Variants in SMG7 observed in about 807,000 individuals in gnomAD.
SMG7 encodes SMG7 nonsense mediated mRNA decay factor, also known as nonsense-mediated mRNA decay factor SMG7.
In SMG7, 34 loss-of-function variants were observed where a neutral mutation model predicts 148.2. That is an observed-to-expected ratio of 0.23 (90% CI 0.17 to 0.31). SMG7 has a LOEUF of 0.31. Ranked by LOEUF, SMG7 falls within the 10% of genes least tolerant of loss-of-function variation. SMG7 has a pLI of 1.00. For missense variants in SMG7, 1,114 were observed against 1,408.4 expected, an observed-to-expected ratio of 0.79 and a Z score of 3.35; for synonymous variants, 492 against 515.1, an observed-to-expected ratio of 0.96 and a Z score of 0.61.
intron 8 of SMG7, among the ~76,000 whole-genome samples, chr1:183,531,517 T>A (rs990614981): frequency 6.6e-6 from 1 of 152,196 alleles, no homozygotes; most frequent in African/African-American, 2.4e-5. Context: ...GATAGGTTGT[T>A]CATTCACTAA....
At chr1:183,503,557 A>G (rs1333082997) in intron 1 of SMG7, among the ~76,000 whole-genome samples, 1 of 152,166 alleles carries the variant, frequency 6.6e-6, no homozygotes, top group African/African-American at 2.4e-5. Flanking sequence ...GTGGTAGAGG[A>G]CATAGGGTTT....
At chr1:183,501,824 A>T (rs1659795925) in intron 1 of SMG7, among the ~76,000 whole-genome samples, 1 of 152,228 alleles carries the variant, frequency 6.6e-6, no homozygotes, top group Admixed American at 6.5e-5. Flanking sequence ...TCTTAGCATT[A>T]TTCATACTAC....
At chr1:183,500,720 T>A (rs2102309332) in intron 1 of SMG7, among the ~76,000 whole-genome samples, 1 of 152,202 alleles carries the variant, frequency 6.6e-6, no homozygotes, top group African/African-American at 2.4e-5. Context: ...AAGAATGGGT[T>A]AACCAAACAA....
At chr1:183,543,705 T>C (rs789176) in intron 14 of SMG7, among the ~76,000 whole-genome samples, 138,005 of 152,276 alleles carry the variant, frequency 0.91, 62,705 homozygotes, top group East Asian at 1. Context: ...TACCTCGTCC[T>C]GGGTTTTCTA....
At chr1:183,487,192 T>C (rs1488236926) in intron 1 of SMG7, among the ~76,000 whole-genome samples, 2 of 152,146 alleles carry the variant, frequency 1.3e-5, no homozygotes, top group Non-Finnish European at 2.9e-5. Flanking sequence ...CCATTCCTTC[T>C]AGAGTGTCTA....
chr1:183,553,008 C>T lies in SMG7; in HGVS notation c.*1077C>T. 5 of 1,536,256 alleles carry T rather than the reference C, an allele frequency of 3.3e-6. No homozygotes were observed. The South Asian group carries it at 3.6e-5, about 11-fold the overall frequency. Reference sequence around the variant, plus strand: ...CAGCATGGGGTCCAGCAGTTGGGGCCCAAAAGACAGTCTGAAGAGGAAGGA... The same window carrying T: ...CAGCATGGGGTCCAGCAGTTGGGGCTCAAAAGACAGTCTGAAGAGGAAGGA... On this transcript the variant is annotated 3_prime_UTR_variant, in exon 23 of 23. Transcript: ENST00000688051.
intron 1 of SMG7, among the ~76,000 whole-genome samples, chr1:183,506,258 A>T (rs1660863643): frequency 6.6e-6 from 1 of 152,176 alleles, no homozygotes; most frequent in Admixed American, 6.5e-5. Context: ...GGTATAGAGT[A>T]TTGTAGTGTT....
rs1321823371 is a variant in SMG7, at chr1:183,552,437, C to G, written c.*506C>G. ...TAGTAAAATATCACACTGAATTCTT[C>G]CATACACAGGTGTGCTTCTAGTCAG... On this transcript the variant is annotated 3_prime_UTR_variant, in exon 23 of 23. Transcript: ENST00000688051. The G allele has an allele frequency of 2.0e-6, 2 of 991,594 alleles. No homozygotes were observed. Among genetic ancestry groups the G allele is most frequent in the African/African-American group, 3.5e-5 (2 of 57,336 alleles). 61.4% of individuals were successfully genotyped at this position (991,594 alleles called of 1,614,324 possible).
intron 1 of SMG7, among the ~76,000 whole-genome samples, chr1:183,482,396 T>C (rs1022608563): frequency 6.6e-6 from 1 of 152,064 alleles, no homozygotes; most frequent in Non-Finnish European, 1.5e-5. Flanking sequence ...ATGTAAAGAT[T>C]TAGATTTCCT....
intron 1 of SMG7, among the ~76,000 whole-genome samples, chr1:183,487,032 G>A (rs149843842): frequency 1.4e-4 from 21 of 152,236 alleles, no homozygotes; most frequent in Middle Eastern, 3.4e-3. Flanking sequence ...TCACTTAAGC[G>A]GTGAAAGGGC....
chr1:183,533,546 C>T (rs932410832), intron 9 of SMG7, 130 bp from the exon 10 acceptor site: 2 of 901,716 alleles, frequency 2.2e-6, no homozygotes, highest in African/African-American at 1.7e-5. Flanking sequence ...GGAAAGAAAG[C>T]GTCTTTTTAG....
chr1:183,529,162 T>C (rs1011725647), intron 7 of SMG7, 120 bp downstream of exon 7: 25 of 1,048,014 alleles, frequency 2.4e-5, no homozygotes, highest in Middle Eastern at 2.2e-4. Context: ...TCTAAACATA[T>C]AGATTTTTCA....
At chr1:183,513,664 C>T (rs932420138) in intron 2 of SMG7, among the ~76,000 whole-genome samples, 2 of 152,124 alleles carry the variant, frequency 1.3e-5, no homozygotes, top group East Asian at 1.9e-4. Context: ...GCCACTGCGC[C>T]TGGCCATCTT....
At chr1:183,551,345 G>C (rs545993414) in intron 22 of SMG7, among the ~76,000 whole-genome samples, 155 bp downstream of exon 22, 1 of 152,310 alleles carries the variant, frequency 6.6e-6, no homozygotes, top group South Asian at 2.1e-4. Flanking sequence ...TGCCTTACAA[G>C]ATTCTTGAGT....
intron 1 of SMG7, among the ~76,000 whole-genome samples, chr1:183,479,445 C>G (rs1653513641): frequency 6.6e-6 from 1 of 152,108 alleles, no homozygotes; most frequent in East Asian, 1.9e-4. Flanking sequence ...AAATTCACCC[C>G]CAGTTGAGAA....
At chr1:183,538,302 A>T (rs1265639150) in intron 11 of SMG7, 78 bp from the exon 12 acceptor site, 24 of 924,494 alleles carry the variant, frequency 2.6e-5, no homozygotes, top group South Asian at 8.1e-5. Context: ...GTTAATTTTT[A>T]AAAAAATTTA....
At chr1:183,535,909 C>T (rs17434335) in intron 10 of SMG7, among the ~76,000 whole-genome samples, 5,125 of 152,080 alleles carry the variant, frequency 0.034, 123 homozygotes, top group Non-Finnish European at 0.051. Flanking sequence ...TCTGTTACAT[C>T]TCCAAAGGTT....
In SMG7 at chr1:183,527,190, TTTTTAAA is replaced by T. The variant is rs1431404712; in HGVS notation, c.484+424_484+430del. 2.6e-5 allele frequency among the ~76,000 whole-genome samples: 4 copies of T among 152,216 alleles called. No homozygotes were observed. Among genetic ancestry groups the T allele is most frequent in the African/African-American group, 9.6e-5 (4 of 41,454 alleles). On this transcript the variant is annotated intron_variant, in intron 5 of 22. Coordinates refer to ENST00000688051, the MANE Select transcript of SMG7 (RefSeq NM_001375584.1). The surrounding 1 kb of genome is among the most constrained non-coding windows in gnomAD (Gnocchi z 4.0). ...AAAGTTGATTTTTAATTTTGCTTCC[TTTTTAAA>T]GTTTAATTTGTATTTCTATTATTTG...
rs1198686642 is a variant in SMG7 at position 183,486,119 on chromosome 1, G to A, written c.29+13470G>A. ...GTAAATGAGTAGATGTTTCTCTTTTGTGTGTGCACCATGTTGTTCTCATGT... is the reference window on the plus strand; with the variant it reads ...GTAAATGAGTAGATGTTTCTCTTTTATGTGTGCACCATGTTGTTCTCATGT... On this transcript the variant is annotated intron_variant, in intron 1 of 22. Coordinates refer to ENST00000688051, the MANE Select transcript of SMG7 (RefSeq NM_001375584.1). Among the ~76,000 whole-genome samples, 6 of 152,026 alleles carry A rather than the reference G, an allele frequency of 3.9e-5. No homozygotes were observed. In the East Asian group the frequency reaches 7.7e-4, roughly 20 times the overall value.
Sources: allele counts gnomAD v4.1 joint callset (sites outside exome capture counted in the v4.1 genomes callset), GRCh38; gene constraint gnomAD v4.1.1; non-coding constraint Gnocchi (gnomAD v3.1); transcripts MANE v1.5; gene names NCBI Gene and HGNC (gene_info 2026-07-23, HGNC 2026-07-21).